The following MAP3K1 variants were observed in gnomAD, a reference collection of about 807,000 sequenced individuals.
The protein encoded by MAP3K1 is MAP/ERK kinase kinase 1.
Under a neutral mutation model 144.2 loss-of-function variants are expected in MAP3K1, and 36 were observed. That is an observed-to-expected ratio of 0.25 (90% CI 0.19 to 0.33). MAP3K1 has a LOEUF of 0.33. Ranked by LOEUF, MAP3K1 falls within the 10% of genes least tolerant of loss-of-function variation. The pLI is 1.00. For synonymous variants in MAP3K1, 718 were observed against 688.7 expected, an observed-to-expected ratio of 1.04 and a Z score of -0.67; for missense variants, 1,650 against 1,881.9, an observed-to-expected ratio of 0.88 and a Z score of 2.28.
At chr5:56,889,496 C>T (rs1748482939) in intron 19 of MAP3K1, among the ~76,000 whole-genome samples, 1 of 152,170 alleles carries the variant, frequency 6.6e-6, no homozygotes, top group Non-Finnish European at 1.5e-5. Context: ...AAAATTCACA[C>T]CCAAGTCAGT....
intron 1 of MAP3K1, among the ~76,000 whole-genome samples, chr5:56,852,830 T>G (rs1345098299): frequency 1.3e-5 from 2 of 152,174 alleles, no homozygotes; most frequent in Non-Finnish European, 2.9e-5. Flanking sequence ...TAGCTTTGGT[T>G]AAAAAAAGAT....
At chr5:56,874,956 AATG>A in intron 9 of MAP3K1, 73 bp from the exon 10 acceptor site, 5 of 1,484,668 alleles carry the variant, frequency 3.4e-6, no homozygotes, top group Non-Finnish European at 4.7e-6. Context: ...AGTAATCAAA[AATG>A]ATGCTAAACT....
chr5:56,875,493 T>C (rs1331554074), intron 10 of MAP3K1, among the ~76,000 whole-genome samples, 183 bp downstream of exon 10: 1 of 152,206 alleles, frequency 6.6e-6, no homozygotes, highest in South Asian at 2.1e-4. Flanking sequence ...TTTACTGATT[T>C]TTATGATGTC....
chr5:56,894,991 G>T lies in MAP3K1; in HGVS notation c.*1311G>T, dbSNP rs1748662214. The T allele has an allele frequency of 4.3e-6, 1 of 231,936 alleles. No individual in the cohort carries two copies. Among genetic ancestry groups the T allele is most frequent in the Non-Finnish European group, 8.5e-6 (1 of 117,260 alleles). 14.4% of individuals were successfully genotyped at this position (231,936 alleles called of 1,614,324 possible). On this transcript the variant is annotated 3_prime_UTR_variant, in exon 20 of 20. Transcript: ENST00000399503. ...AGCTTTTTAATCTTTTTGTGTGTGT[G>T]TGAGTCTTTTAAATCAAGTACTGAT...
At chr5:56,823,447 C>T (rs1416310944) in intron 1 of MAP3K1, among the ~76,000 whole-genome samples, 2 of 152,310 alleles carry the variant, frequency 1.3e-5, no homozygotes, top group Non-Finnish European at 1.5e-5. Context: ...GCAGGGTGTC[C>T]CTACTGTCAG....
rs1238906127 is a variant in MAP3K1, at chr5:56,895,056, T to C, written c.*1376T>C. ...AACTTTGAGATTTTAGTTTTAACTC[T>C]TCAGAAGCCAGTGTGAAATAGAATT... On this transcript the variant is annotated 3_prime_UTR_variant, in exon 20 of 20. Transcript: ENST00000399503. The C allele has an allele frequency of 4.3e-6, 1 of 231,564 alleles. No homozygotes were observed. The highest frequency in any genetic ancestry group is 2.2e-5 in the African/African-American group (1 of 45,292). The allele number at this position is 231,564 out of a possible 1,614,324, so 14.3% of individuals were successfully genotyped here.
intron 1 of MAP3K1, among the ~76,000 whole-genome samples, chr5:56,836,154 G>C (rs1215938969): frequency 6.6e-6 from 1 of 152,198 alleles, no homozygotes; most frequent in African/African-American, 2.4e-5. Flanking sequence ...GTTGATGTGA[G>C]CAGTTCCTGT....
intron 17 of MAP3K1, among the ~76,000 whole-genome samples, chr5:56,886,618 C>T (rs921705305): frequency 7.2e-5 from 11 of 152,176 alleles, no homozygotes; most frequent in African/African-American, 2.7e-4. Context: ...CACAGGTCTC[C>T]AGATTCCCTG....
Position 56,822,081 on chromosome 5 carries a change from C to T in MAP3K1, c.482+6026C>T, listed in dbSNP as rs534386302. On this transcript the variant is annotated intron_variant, in intron 1 of 19. Coordinates refer to ENST00000399503, the MANE Select transcript of MAP3K1 (RefSeq NM_005921.2). ...TGTTGCCCAGGCTGGAGTGCAGTGG[C>T]GCAATCTTTGCTCACTGCAGCCTCT... Among the ~76,000 whole-genome samples, 17 of 152,204 alleles carry T rather than the reference C, an allele frequency of 1.1e-4. No individual in the cohort carries two copies. The South Asian group carries it at 1.9e-3, about 17-fold the overall frequency.
At chr5:56,842,294 A>G (rs1746837919) in intron 1 of MAP3K1, 1 of 152,248 alleles carries the variant, frequency 6.6e-6, no homozygotes, top group Admixed American at 6.5e-5. Flanking sequence ...TAATAACAGC[A>G]TAGTGGAGGA....
chr5:56,866,037 A>AT, intron 6 of MAP3K1, 60 bp downstream of exon 6: 2 of 1,261,560 alleles, frequency 1.6e-6, no homozygotes, highest in Admixed American at 1.7e-5. Flanking sequence ...TTTAGGGGTA[A>AT]TTTTTTATAT....
intron 19 of MAP3K1, among the ~76,000 whole-genome samples, chr5:56,890,696 G>A (rs1254549087): frequency 6.6e-6 from 1 of 152,044 alleles, no homozygotes; most frequent in African/African-American, 2.4e-5. Flanking sequence ...TGAAGCTGTT[G>A]GTGTTGATTT....
intron 13 of MAP3K1, 26 bp downstream of exon 13, chr5:56,881,298 A>C (rs1485178793): frequency 6.3e-7 from 1 of 1,583,234 alleles, no homozygotes; most frequent in East Asian, 2.2e-5. Flanking sequence ...AAAATGTATT[A>C]CTTGTATCTT....
In MAP3K1 at chr5:56,883,795, G is replaced by A; in HGVS notation, c.3819+116G>A. 3 of 1,090,500 alleles carry A rather than the reference G, an allele frequency of 2.8e-6. No individual in the cohort carries two copies. In the South Asian group the frequency reaches 3.9e-5, roughly 14 times the overall value. 67.6% of individuals were successfully genotyped at this position (1,090,500 alleles called of 1,614,324 possible). ...TGTACTTTAGTTCTTTAAACTTTGA[G>A]AAACTTAGTTTCAAAGTAGATGTTT... is the stretch of plus-strand genomic sequence containing the variant. On this transcript the variant is annotated intron_variant, in intron 15 of 19. Coordinates refer to ENST00000399503, the MANE Select transcript of MAP3K1 (RefSeq NM_005921.2).
intron 1 of MAP3K1, among the ~76,000 whole-genome samples, chr5:56,834,494 A>G (rs533592570): frequency 6.6e-6 from 1 of 152,284 alleles, no homozygotes; most frequent in Admixed American, 6.5e-5. Flanking sequence ...TGGGTGGATC[A>G]TGAGGTCAGG....
chr5:56,849,911 CTT>C (rs1325067838), intron 1 of MAP3K1, among the ~76,000 whole-genome samples: 1 of 152,190 alleles, frequency 6.6e-6, no homozygotes, highest in East Asian at 1.9e-4. Flanking sequence ...TACATATAGA[CTT>C]TATCACCTTG....
chr5:56,816,182 C>G, intron 1 of MAP3K1, 127 bp downstream of exon 1: 1 of 996,604 alleles, frequency 1.0e-6, no homozygotes, highest in Non-Finnish European at 1.3e-6. Flanking sequence ...CTCGCCGGGA[C>G]CTACGCCCCT....
chr5:56,881,456 T>C, intron 13 of MAP3K1, 114 bp from the exon 14 acceptor site: 1 of 1,017,538 alleles, frequency 9.8e-7, no homozygotes, highest in East Asian at 2.5e-5. Context: ...ATAGATACTT[T>C]ATGCTGAAAT....
chr5:56,825,644 C>G (rs1746289129), intron 1 of MAP3K1, among the ~76,000 whole-genome samples: 1 of 152,214 alleles, frequency 6.6e-6, no homozygotes, highest in South Asian at 2.1e-4. Flanking sequence ...CTGCCATTGT[C>G]TCTTTAATTG....
Sources: allele counts gnomAD v4.1 joint callset (sites outside exome capture counted in the v4.1 genomes callset), GRCh38; gene constraint gnomAD v4.1.1; transcripts MANE v1.5; gene names NCBI Gene and HGNC (gene_info 2026-07-23, HGNC 2026-07-21).